MYT1L: variants seen among roughly 807,000 people sequenced by gnomAD.
The protein encoded by MYT1L is myelin transcription factor 1 like, also known as myelin transcription factor 1-like protein.
MYT1L carries 12 observed loss-of-function variants against 126.7 expected under a neutral mutation model. The observed-to-expected ratio is 0.09, with a 90% CI of 0.06 to 0.15. The LOEUF (loss-of-function observed/expected upper bound fraction) is 0.15, where lower values mean the gene tolerates loss of function less well. Ranked by LOEUF, MYT1L falls within the 10% of genes least tolerant of loss-of-function variation. The pLI is 1.00. For synonymous variants in MYT1L, 541 were observed against 604.2 expected, an observed-to-expected ratio of 0.90 and a Z score of 1.53; for missense variants, 979 against 1,585.2, an observed-to-expected ratio of 0.62 and a Z score of 6.49.
At chr2:2,256,028 G>T (rs536332623) in intron 2 of MYT1L, among the ~76,000 whole-genome samples, 1 of 152,312 alleles carries the variant, frequency 6.6e-6, no homozygotes, top group African/African-American at 2.4e-5. Flanking sequence ...AGGACAACTT[G>T]TTTTCTAAAG....
chr2:2,151,597 A>T (rs2085793195), intron 3 of MYT1L, among the ~76,000 whole-genome samples: 1 of 152,098 alleles, frequency 6.6e-6, no homozygotes. Context: ...TTCATGGGGG[A>T]TATGTTCCAA....
At chr2:2,317,234 A>G (rs561881754) in intron 1 of MYT1L, among the ~76,000 whole-genome samples, 1 of 152,256 alleles carries the variant, frequency 6.6e-6, no homozygotes, top group Admixed American at 6.5e-5. Flanking sequence ...CATCTACTCT[A>G]AATACTCAGG....
At chr2:2,060,333 G>C (rs990041334) in intron 3 of MYT1L, among the ~76,000 whole-genome samples, 1 of 151,954 alleles carries the variant, frequency 6.6e-6, no homozygotes, top group African/African-American at 2.4e-5. Context: ...TTTTAACTTT[G>C]TCATTATTAA....
intron 19 of MYT1L, among the ~76,000 whole-genome samples, chr2:1,844,597 C>T (rs1449022986): frequency 1.3e-5 from 2 of 152,058 alleles, no homozygotes; most frequent in South Asian, 2.1e-4. Flanking sequence ...AGACCTGGCC[C>T]GAGTGTCTGT....
intron 8 of MYT1L, among the ~76,000 whole-genome samples, chr2:1,971,467 A>G (rs1001779556): frequency 2.0e-5 from 3 of 152,236 alleles, no homozygotes; most frequent in Admixed American, 6.5e-5. Context: ...ACAGTGGCTC[A>G]TGCTTGTAAT....
chr2:2,269,790 A>G (rs529008373), intron 2 of MYT1L, among the ~76,000 whole-genome samples: 6 of 152,252 alleles, frequency 3.9e-5, no homozygotes, highest in Admixed American at 1.3e-4. Context: ...CTTTCCTCCA[A>G]TCAAGAAGGC....
intron 2 of MYT1L, among the ~76,000 whole-genome samples, chr2:2,273,697 G>A (rs2095308375): frequency 6.6e-6 from 1 of 152,218 alleles, no homozygotes; most frequent in African/African-American, 2.4e-5. Flanking sequence ...GCAGCAGCGG[G>A]AGGTACCCAG....
Position 1,942,874 on chromosome 2 carries a change from A to C in MYT1L, c.505+108T>G, listed in dbSNP as rs7355555. 494,054 of 1,399,604 alleles carry C rather than the reference A, an allele frequency of 0.35. 89,631 individuals carry two copies. The highest frequency in any genetic ancestry group is 0.62 in the East Asian group (24,754 of 39,754). The allele number at this position is 1,399,604 out of a possible 1,614,324, so 86.7% of individuals were successfully genotyped here. A position where few individuals can be genotyped will look rare whatever the true frequency, so the allele number is the denominator to read the frequency against. ...GTTAATTTTCTCAGTATTGACCAAGAAGAACAATTTCTTTATATGCCAGTC... is the reference window on the plus strand; with the variant it reads ...GTTAATTTTCTCAGTATTGACCAAGCAGAACAATTTCTTTATATGCCAGTC... On this transcript the variant is annotated intron_variant, in intron 9 of 24. Coordinates refer to ENST00000647738, the MANE Select transcript of MYT1L (RefSeq NM_001303052.2).
chr2:2,150,832 GGAAGGGAAGGGAAAA>G (rs1213335882), intron 3 of MYT1L, among the ~76,000 whole-genome samples: 1 of 150,866 alleles, frequency 6.6e-6, no homozygotes, highest in Non-Finnish European at 1.5e-5. Context: ...GAAGAGGAAA[GGAAGGGAAGGGAAAA>G]GAAGGGAAGG....
intron 3 of MYT1L, among the ~76,000 whole-genome samples, chr2:2,170,816 C>A (rs1434614790): frequency 6.6e-6 from 1 of 152,166 alleles, no homozygotes; most frequent in Non-Finnish European, 1.5e-5. Context: ...TGTCTGCGCC[C>A]TTCACAGTGT....
At chr2:1,868,209 C>G (rs188991585) in intron 18 of MYT1L, among the ~76,000 whole-genome samples, 2 of 152,242 alleles carry the variant, frequency 1.3e-5, no homozygotes, top group African/African-American at 2.4e-5. Flanking sequence ...GTGATCTGCC[C>G]GCCTTGGCCT....
At chr2:2,182,710 G>C (rs1211953919) in intron 2 of MYT1L, among the ~76,000 whole-genome samples, 5 of 152,178 alleles carry the variant, frequency 3.3e-5, no homozygotes, top group Admixed American at 1.3e-4. Flanking sequence ...GTTTGTTGTG[G>C]ATGTCTCCCT....
intron 3 of MYT1L, among the ~76,000 whole-genome samples, chr2:2,120,191 A>G (rs958085484): frequency 3.9e-5 from 6 of 152,140 alleles, no homozygotes; most frequent in African/African-American, 1.4e-4. Flanking sequence ...TGAGTTTTCT[A>G]TGAGGAATGG....
In MYT1L at chr2:1,892,263, C is replaced by T; in HGVS notation, c.2057G>A (p.Ser686Asn). Residue 686 changes from serine (S) to asparagine (N), a missense_variant, in exon 15 of 25, where the codon AGC (serine) becomes AAC (asparagine). Physicochemically the swap from Ser to Asn is conservative, Grantham distance 46. Around this residue, in one of 12 missense-constraint regions of MYT1L, gnomAD observed 57 missense variants for 60.3 expected, o/e 0.94. Transcript: ENST00000647738. Reference sequence around the variant, plus strand: ...GCTGCTGGTGCTGCTGCTGCTGGGGCTGGGGTCCTTGCAGTACCGCTTCGC... The same window carrying T: ...GCTGCTGGTGCTGCTGCTGCTGGGGTTGGGGTCCTTGCAGTACCGCTTCGC... ...DDAKRYCKDP[S>N]PSSSSTSSYA... 2 of 1,549,406 alleles carry T rather than the reference C, an allele frequency of 1.3e-6. No individual in the cohort carries two copies. The highest frequency in any genetic ancestry group is 1.7e-6 in the Non-Finnish European group (2 of 1,146,484).
At chr2:2,256,985 A>T (rs888624) in intron 2 of MYT1L, among the ~76,000 whole-genome samples, 2,448 of 152,274 alleles carry the variant, frequency 0.016, 63 homozygotes, top group African/African-American at 0.056. Flanking sequence ...GCCTCCTTGA[A>T]GTTACTGAAA....
rs369414007 is a variant in MYT1L at position 1,889,265 on chromosome 2, G to C, written c.2496C>G (p.Asp832Glu). ...DYTKMKPRRI[D>E]EDESKDITPE... ...CAGTAATGTCTTTGGACTCGTCCTC[G>C]TCTATCCTCCGGGGTTTCATTTTGG... is the stretch of plus-strand genomic sequence containing the variant. Residue 832 changes from aspartate (D) to glutamate (E), a missense_variant, in exon 16 of 25, where the codon GAC (aspartate) becomes GAG (glutamate). By Grantham distance (45) the Asp-to-Glu change is conservative. Coordinates refer to ENST00000647738, the MANE Select transcript of MYT1L (RefSeq NM_001303052.2). This position sits in a 1 kb window ranked among gnomAD's most constrained non-coding sequence, Gnocchi z 4.1. 1.5e-5 allele frequency: 25 copies of C among 1,613,874 alleles called. No homozygotes were observed. In the East Asian group the frequency reaches 5.6e-4, roughly 36 times the overall value.
At chr2:1,794,689 A>G (rs75973553) in intron 23 of MYT1L, among the ~76,000 whole-genome samples, 2,038 of 152,222 alleles carry the variant, frequency 0.013, 52 homozygotes, top group East Asian at 0.13. Flanking sequence ...ATATCTTCCT[A>G]TGTTCAGGAA....
At chr2:2,206,180 G>A (rs887219045) in intron 2 of MYT1L, among the ~76,000 whole-genome samples, 5 of 151,912 alleles carry the variant, frequency 3.3e-5, no homozygotes, top group African/African-American at 1.2e-4. Flanking sequence ...GTTTCACCTT[G>A]TTGGCCAGGC....
At chr2:2,208,002 G>T (rs1330108448) in intron 2 of MYT1L, among the ~76,000 whole-genome samples, 2 of 152,068 alleles carry the variant, frequency 1.3e-5, no homozygotes. Flanking sequence ...TCCACTCCAT[G>T]CCCCACTCAG....
Sources: allele counts gnomAD v4.1 joint callset (sites outside exome capture counted in the v4.1 genomes callset), GRCh38; gene constraint gnomAD v4.1.1; regional missense constraint gnomAD v4.1.1; non-coding constraint Gnocchi (gnomAD v3.1); transcripts MANE v1.5; gene names NCBI Gene and HGNC (gene_info 2026-07-23, HGNC 2026-07-21).